The following POLR3H variants were observed in gnomAD, a reference collection of about 807,000 sequenced individuals.
POLR3H encodes the protein RNA polymerase III subunit H.
Under a neutral mutation model 25.5 loss-of-function variants are expected in POLR3H, and 17 were observed. The observed-to-expected ratio is 0.67, with a 90% confidence interval of 0.46 to 1.00. The LOEUF is 1.00. Ranked by LOEUF, POLR3H falls within the 50% of genes least tolerant of loss-of-function variation. POLR3H has a pLI of 0.00. For synonymous variants in POLR3H, 129 were observed against 103.0 expected (o/e 1.25, Z -1.53); for missense variants, 274 against 265.0 (o/e 1.03, Z -0.24).
At chr22:41,533,762 A>C in intron 2 of POLR3H, 1 of 1,277,766 alleles carries the variant, frequency 7.8e-7, no homozygotes, top group Middle Eastern at 2.2e-4. Context: ...CCCAGAGAGC[A>C]GATGAGGGCG....
chr22:41,532,033 G>T, intron 4 of POLR3H, 61 bp downstream of exon 4: 1 of 1,478,606 alleles, frequency 6.8e-7, no homozygotes, highest in South Asian at 1.1e-5. Context: ...AAGGAGTGGG[G>T]ACCTTCCTTT....
intron 2 of POLR3H, 134 bp downstream of exon 2, chr22:41,540,565 A>C (rs748192281): frequency 8.0e-6 from 6 of 747,528 alleles, no homozygotes; most frequent in Non-Finnish European, 1.5e-5. Context: ...CTGGCCTTGA[A>C]CTCTGTGGCT....
chr22:41,530,758 C>T lies in POLR3H; in HGVS notation c.490G>A (p.Gly164Arg), dbSNP rs375936089. ...DESFVDTSPTGPSSADATTSS... is the reference protein window; with the variant it reads ...DESFVDTSPTRPSSADATTSS... ...GTGGTGGCATCTGCTGAGCTGGGCC[C>T]TGTGGGGGACGTGTCAACAAAGCTC... Residue 164 changes from glycine to arginine, a missense_variant, in exon 5 of 6, where the codon GGG becomes AGG. Coordinates refer to ENST00000355209, the MANE Select transcript of POLR3H (RefSeq NM_001018050.4). 3.4e-5 allele frequency: 55 copies of T among 1,613,946 alleles called. No homozygotes were observed. The highest frequency in any genetic ancestry group is 4.5e-5 in the Non-Finnish European group (53 of 1,180,048).
rs200688893 is a variant in POLR3H, at chr22:41,528,426, C to A, written c.*857G>T. Reference sequence around the variant, plus strand: ...CTGTCTCCCTGACCCCCCTGCGGGGCCAAGGGCACACAGTACCCACCACTT... The same window carrying A: ...CTGTCTCCCTGACCCCCCTGCGGGGACAAGGGCACACAGTACCCACCACTT... On this transcript the variant is annotated 3_prime_UTR_variant, in exon 6 of 6. Transcript: ENST00000355209. 1 of 1,595,184 alleles carries A rather than the reference C, an allele frequency of 6.3e-7. No individual in the cohort carries two copies. The highest frequency in any genetic ancestry group is 1.1e-5 in the South Asian group (1 of 88,740).
chr22:41,531,877 T>C (rs772883734), intron 4 of POLR3H, among the ~76,000 whole-genome samples: 9 of 152,192 alleles, frequency 5.9e-5, no homozygotes, highest in Non-Finnish European at 1.3e-4. Context: ...CCAAGCCTGA[T>C]GGCCCCGACA....
At chr22:41,531,994 A>G (rs963450599) in intron 4 of POLR3H, 100 bp downstream of exon 4, 156 of 1,017,282 alleles carry the variant, frequency 1.5e-4, no homozygotes, top group Non-Finnish European at 2.0e-4. Flanking sequence ...GGCCAGTGAC[A>G]TCAGGTTACA....
chr22:41,533,738 C>T, intron 2 of POLR3H: 1 of 1,301,500 alleles, frequency 7.7e-7, no homozygotes, highest in Non-Finnish European at 1.0e-6. Flanking sequence ...GATGACTGGG[C>T]CTTGTGCTGA....
chr22:41,529,670 G>T (rs1179835787), intron 5 of POLR3H: 3 of 629,448 alleles, frequency 4.8e-6, no homozygotes, highest in Non-Finnish European at 9.0e-6. Context: ...ATCCAACAGG[G>T]AGCAGCCTTG....
chr22:41,544,021 G>T lies in POLR3H; in HGVS notation c.81C>A (p.Ala27=), dbSNP rs199861895. Residue 27 remains alanine, a synonymous_variant, in exon 1 of 6, where the codon GCC becomes GCA. Transcript: ENST00000355209. ...TGGCCAACTTCTTGTTCAGCTCCTC[G>T]GCAATGGAGTCGTTGAGCTTCCTCT... ...QFERKLNDSI[A]EELNKKLANK... The T allele has an allele frequency of 6.2e-7, 1 of 1,613,630 alleles. No homozygotes were observed.
At chr22:41,535,006 T>C (rs4822034) in intron 2 of POLR3H, among the ~76,000 whole-genome samples, 30,191 of 152,140 alleles carry the variant, frequency 0.2, 3,719 homozygotes, top group Admixed American at 0.38. Flanking sequence ...ATCTGCCTAC[T>C]TACCATAACC....
intron 2 of POLR3H, among the ~76,000 whole-genome samples, chr22:41,536,659 AG>A (rs895123336): frequency 1.3e-4 from 20 of 151,856 alleles, no homozygotes; most frequent in Non-Finnish European, 2.4e-4. Context: ...TGAGGTCAGG[AG>A]TTCAAGACTA....
Position 41,526,399 on chromosome 22 carries a change from C to T in POLR3H, c.*2884G>A, listed in dbSNP as rs1276502264. On this transcript the variant is annotated 3_prime_UTR_variant, in exon 6 of 6. Coordinates refer to ENST00000355209, the MANE Select transcript of POLR3H (RefSeq NM_001018050.4). ...AAAACGGCAAGGCCAACTCCGTGCG[C>T]AATGCCGTCACTCAGGAGTTTGGCC... 2 of 1,613,922 alleles carry T rather than the reference C, an allele frequency of 1.2e-6. No homozygotes were observed. The highest frequency in any genetic ancestry group is 1.7e-5 in the Admixed American group (1 of 60,024).
chr22:41,541,499 C>G (rs1290465141), intron 1 of POLR3H, among the ~76,000 whole-genome samples: 3 of 152,230 alleles, frequency 2.0e-5, no homozygotes, highest in African/African-American at 7.2e-5. Flanking sequence ...TCATCACCCC[C>G]ACTTAGAACC....
In POLR3H at chr22:41,527,766, G is replaced by A. The variant is rs1170122743; in HGVS notation, c.*1517C>T. 1.4e-6 allele frequency: 2 copies of A among 1,447,452 alleles called. No homozygotes were observed. Among genetic ancestry groups the A allele is most frequent in the East Asian group, 2.3e-5 (1 of 43,522 alleles). 89.7% of individuals were successfully genotyped at this position (1,447,452 alleles called of 1,614,324 possible). On this transcript the variant is annotated 3_prime_UTR_variant, in exon 6 of 6. Coordinates refer to ENST00000355209, the MANE Select transcript of POLR3H (RefSeq NM_001018050.4). The stretch of plus-strand genomic sequence containing the variant: ...CCCTAGTGAAAGGGAGCAGACCAGG[G>A]CCCCATAGTCACTGCCCGGGCATTG...
At position 41,544,155 on chromosome 22, in the gene POLR3H, C is replaced by T. The variant is rs563545344; in HGVS notation, c.-54G>A. 2.6e-6 allele frequency: 3 copies of T among 1,132,974 alleles called. No individual in the cohort carries two copies. The highest frequency in any genetic ancestry group is 3.8e-5 in the Admixed American group (2 of 52,510). 70.2% of individuals were successfully genotyped at this position (1,132,974 alleles called of 1,614,324 possible). A position where few individuals can be genotyped will look rare whatever the true frequency, so the allele number is the denominator to read the frequency against. On this transcript the variant is annotated 5_prime_UTR_variant, in exon 1 of 6. Coordinates refer to ENST00000355209, the MANE Select transcript of POLR3H (RefSeq NM_001018050.4). ...AGGAGGGTCAGTCACGCACCAGGGC[C>T]GGGGGCAGGGAGAATCCCCGAGCCC...
intron 4 of POLR3H, among the ~76,000 whole-genome samples, 173 bp downstream of exon 4, chr22:41,531,912 GACTCCCTGC>G (rs1294672813): frequency 6.6e-6 from 1 of 152,226 alleles, no homozygotes; most frequent in Non-Finnish European, 1.5e-5. Context: ...GGCATCACAT[GACTCCCTGC>G]ATGGGAGGCA....
chr22:41,526,359 G>A lies in POLR3H; in HGVS notation c.*2924C>T. 6.2e-7 allele frequency: 1 copy of A among 1,613,664 alleles called. No individual in the cohort carries two copies. The highest frequency in any genetic ancestry group is 8.5e-7 in the Non-Finnish European group (1 of 1,180,040). ...AACATCTCCAACAACCTGCTCATTG[G>A]TGCCATCAACATTGAAAACGGCAAG... On this transcript the variant is annotated 3_prime_UTR_variant, in exon 6 of 6. Coordinates refer to ENST00000355209, the MANE Select transcript of POLR3H (RefSeq NM_001018050.4).
chr22:41,526,571 G>T lies in POLR3H; in HGVS notation c.*2712C>A. ...GGAAGGAGGCCGACCAAGCCCAAAG[G>T]GGACTGCTGTGGAAGGGAGGAGAGG... On this transcript the variant is annotated 3_prime_UTR_variant, in exon 6 of 6. Coordinates refer to ENST00000355209, the MANE Select transcript of POLR3H (RefSeq NM_001018050.4). The T allele has an allele frequency of 8.4e-7, 1 of 1,192,044 alleles. No individual in the cohort carries two copies. Among genetic ancestry groups the T allele is most frequent in the South Asian group, 1.6e-5 (1 of 64,146 alleles). The allele number at this position is 1,192,044 out of a possible 1,614,324, so 73.8% of individuals were successfully genotyped here.
chr22:41,531,673 C>T (rs2066738583), intron 4 of POLR3H, among the ~76,000 whole-genome samples: 1 of 152,208 alleles, frequency 6.6e-6, no homozygotes, highest in African/African-American at 2.4e-5. Flanking sequence ...AACGGAGGCC[C>T]AGGAGGAACA....
Sources: gnomAD v4.1 joint callset for allele counts (sites outside exome capture counted in the v4.1 genomes callset) on GRCh38, gnomAD v4.1.1 for gene constraint, MANE v1.5 for transcripts, NCBI Gene and HGNC (gene_info 2026-07-23, HGNC 2026-07-21) for gene names.